The following FGF12 variants were observed in gnomAD, a reference collection of about 807,000 sequenced individuals.
FGF12 encodes the protein fibroblast growth factor 12, also known as fibroblast growth factor 12B.
FGF12 carries 14 observed loss-of-function variants against 23.6 expected under a neutral mutation model. That is an observed-to-expected ratio of 0.59 (90% CI 0.39 to 0.93). The LOEUF (loss-of-function observed/expected upper bound fraction) is 0.93, where lower values mean the gene tolerates loss of function less well. FGF12 is among the 40% of genes least tolerant of loss of function. The pLI is 0.00. For synonymous variants in FGF12, 62 were observed against 77.3 expected (o/e 0.80, Z 1.04); for missense variants, 175 against 217.8 (o/e 0.80, Z 1.24).
chr3:192,707,394 AG>A (rs1341857759), intron 2 of FGF12, among the ~76,000 whole-genome samples: 1 of 152,180 alleles, frequency 6.6e-6, no homozygotes, highest in Non-Finnish European at 1.5e-5. Flanking sequence ...ACCAGAAGAC[AG>A]GTCACAACAC....
chr3:192,191,222 G>C (rs539831624), intron 4 of FGF12, among the ~76,000 whole-genome samples: 5 of 152,248 alleles, frequency 3.3e-5, no homozygotes, highest in Non-Finnish European at 5.9e-5. Context: ...GATCCCAGGG[G>C]AAAAGTCAGG....
chr3:192,203,599 A>C (rs1298737465), intron 4 of FGF12, among the ~76,000 whole-genome samples: 1 of 121,730 alleles, frequency 8.2e-6, no homozygotes, highest in Non-Finnish European at 1.6e-5. Context: ...ATAGGGTCTT[A>C]CTCTGACACC....
intron 4 of FGF12, among the ~76,000 whole-genome samples, chr3:192,289,601 G>A (rs1714648994): frequency 6.6e-6 from 1 of 152,114 alleles, no homozygotes; most frequent in African/African-American, 2.4e-5. Flanking sequence ...CAGAAGAGAA[G>A]AGCAAACAAT....
In FGF12 at chr3:192,366,236, C is replaced by T. The variant is rs1347552274; in HGVS notation, c.14-5698G>A. Among the ~76,000 whole-genome samples the T allele has an allele frequency of 2.0e-5, 3 of 151,998 alleles. No homozygotes were observed. In the East Asian group the frequency reaches 5.8e-4, roughly 29 times the overall value. ...TAGCTGTGAATCAGTTATTAAAGTA[C>T]GTGTTGATAGAAAAGCAGTTACAGA... On this transcript the variant is annotated intron_variant, in intron 2 of 5. Transcript: ENST00000445105.
intron 4 of FGF12, among the ~76,000 whole-genome samples, chr3:192,315,070 G>A (rs541079439): frequency 6.6e-6 from 1 of 152,262 alleles, no homozygotes; most frequent in South Asian, 2.1e-4. Context: ...TGGCTGAAAG[G>A]TATGTCACTT....
intron 2 of FGF12, among the ~76,000 whole-genome samples, chr3:192,471,107 T>C (rs141968523): frequency 9.8e-5 from 15 of 152,340 alleles, no homozygotes; most frequent in African/African-American, 3.4e-4. Context: ...CTTCAAGGCC[T>C]GTTCATTGTG....
intron 4 of FGF12, among the ~76,000 whole-genome samples, chr3:192,213,007 A>G (rs1718013747): frequency 6.6e-6 from 1 of 152,198 alleles, no homozygotes; most frequent in Non-Finnish European, 1.5e-5. Context: ...CAATGGTACC[A>G]ATGGTCTTTG....
chr3:192,160,753 A>C (rs929984654), intron 5 of FGF12, among the ~76,000 whole-genome samples: 1 of 152,114 alleles, frequency 6.6e-6, no homozygotes, highest in Non-Finnish European at 1.5e-5. Context: ...GAATATTCCT[A>C]TCTACTATGC....
Position 192,408,297 on chromosome 3 carries a change from G to A in FGF12, c.14-47759C>T, listed in dbSNP as rs1458649924. 4.1e-6 allele frequency: 6 copies of A among 1,464,698 alleles called. No homozygotes were observed. In the African/African-American group the frequency reaches 8.5e-5, roughly 21 times the overall value. 90.7% of individuals were successfully genotyped at this position (1,464,698 alleles called of 1,614,324 possible). A position where few individuals can be genotyped will look rare whatever the true frequency, so the allele number is the denominator to read the frequency against. On this transcript the variant is annotated intron_variant, in intron 2 of 5. Coordinates refer to ENST00000445105, the MANE Select transcript of FGF12 (RefSeq NM_004113.6). The surrounding 1 kb of genome is among the most constrained non-coding windows in gnomAD (Gnocchi z 7.3). ...CTTGCGCTCCGCCGGGGCGAGGGCA[G>A]GACCTGGGCGGCCAGGGAAAGGGCA...
chr3:192,234,475 T>C (rs1378841137), intron 4 of FGF12, among the ~76,000 whole-genome samples: 1 of 152,222 alleles, frequency 6.6e-6, no homozygotes, highest in Non-Finnish European at 1.5e-5. Flanking sequence ...AATCATATCA[T>C]CTGCAAAGGG....
In FGF12 at chr3:192,725,668, C is replaced by A. The variant is rs555632496; in HGVS notation, c.13+1513G>T. On this transcript the variant is annotated intron_variant, in intron 2 of 5. Transcript: ENST00000445105. The stretch of plus-strand genomic sequence containing the variant: ...TTGGAGGCAAAACTGTTACCAAGAA[C>A]CTTTGTCAAATAACTAAATTTAGTG... 3.9e-5 allele frequency among the ~76,000 whole-genome samples: 6 copies of A among 152,230 alleles called. No homozygotes were observed. In the South Asian group the frequency reaches 1.0e-3, roughly 26 times the overall value.
At chr3:192,418,403 G>A (rs530695806) in intron 2 of FGF12, among the ~76,000 whole-genome samples, 1 of 152,234 alleles carries the variant, frequency 6.6e-6, no homozygotes, top group South Asian at 2.1e-4. Context: ...TCAAGAAGTT[G>A]TTGGGTTTTC....
At chr3:192,591,570 C>T (rs1176100317) in intron 2 of FGF12, among the ~76,000 whole-genome samples, 1 of 151,806 alleles carries the variant, frequency 6.6e-6, no homozygotes, top group Non-Finnish European at 1.5e-5. Context: ...AAGCCCTTTA[C>T]CTCAACAAGG....
chr3:192,167,085 G>C (rs1293310146), intron 5 of FGF12, among the ~76,000 whole-genome samples: 2 of 148,456 alleles, frequency 1.3e-5, no homozygotes, highest in African/African-American at 5.0e-5. Flanking sequence ...ATGGAAGCCT[G>C]AAGCAGAGTT....
At chr3:192,449,819 TC>T (rs1332822005) in intron 2 of FGF12, among the ~76,000 whole-genome samples, 1 of 152,222 alleles carries the variant, frequency 6.6e-6, no homozygotes. Flanking sequence ...GCATGCCCTC[TC>T]CAAGGGAGTC....
intron 4 of FGF12, among the ~76,000 whole-genome samples, chr3:192,231,289 T>C (rs1577258881): frequency 6.6e-6 from 1 of 152,258 alleles, no homozygotes; most frequent in East Asian, 1.9e-4. Flanking sequence ...GGCCCCCCTT[T>C]TTTTTTACTA....
intron 2 of FGF12, among the ~76,000 whole-genome samples, chr3:192,601,408 G>A (rs1714109625): frequency 6.6e-6 from 1 of 152,058 alleles, no homozygotes; most frequent in African/African-American, 2.4e-5. Context: ...ATAATAATAT[G>A]TAGTTTCAAA....
At chr3:192,171,378 G>GA (rs141756758) in intron 4 of FGF12, among the ~76,000 whole-genome samples, 8,815 of 152,190 alleles carry the variant, frequency 0.058, 874 homozygotes, top group African/African-American at 0.2. Flanking sequence ...TGGTAAGTGA[G>GA]AAAACCAAAA....
intron 2 of FGF12, among the ~76,000 whole-genome samples, chr3:192,448,146 G>A (rs1722413729): frequency 6.6e-6 from 1 of 152,114 alleles, no homozygotes; most frequent in African/African-American, 2.4e-5. Context: ...TCCAAGCCAC[G>A]GAAGGACACT....
Sources: allele counts gnomAD v4.1 joint callset (sites outside exome capture counted in the v4.1 genomes callset), GRCh38; gene constraint gnomAD v4.1.1; non-coding constraint Gnocchi (gnomAD v3.1); transcripts MANE v1.5; gene names NCBI Gene and HGNC (gene_info 2026-07-23, HGNC 2026-07-21).